KLLN: variants seen among roughly 807,000 people sequenced by gnomAD.
KLLN encodes the protein killin.
For missense variants in KLLN, 340 were observed against 241.3 expected, an observed-to-expected ratio of 1.41 and a Z score of -2.71; for synonymous variants, 142 against 102.2, an observed-to-expected ratio of 1.39 and a Z score of -2.35.
Position 87,863,447 on chromosome 10 carries a change from G to A in KLLN, c.-960C>T. On this transcript the variant is annotated 5_prime_UTR_variant, in exon 1 of 1. Coordinates refer to ENST00000445946, the MANE Select transcript of KLLN (RefSeq NM_001126049.2). ...CCCTGCCCTGCCCTGCCCTCCCCTC[G>A]CCCGGCGCGGTCCCGTCCGCCTCTC... is the stretch of plus-strand genomic sequence containing the variant. The A allele has an allele frequency of 2.7e-6, 1 of 375,534 alleles. No homozygotes were observed. The highest frequency in any genetic ancestry group is 4.8e-6 in the Non-Finnish European group (1 of 210,210). 23.3% of individuals were successfully genotyped at this position (375,534 alleles called of 1,614,324 possible). A position where few individuals can be genotyped will look rare whatever the true frequency, so the allele number is the denominator to read the frequency against.
Position 87,863,491 on chromosome 10 carries a change from C to A in KLLN, c.-1004G>T, listed in dbSNP as rs991045713. The A allele has an allele frequency of 2.6e-6, 1 of 383,752 alleles. No individual in the cohort carries two copies. Among genetic ancestry groups the A allele is most frequent in the Non-Finnish European group, 4.6e-6 (1 of 216,166 alleles). 23.8% of individuals were successfully genotyped at this position (383,752 alleles called of 1,614,324 possible). ...GCCTCTCGCTCGCCTCCCGCCTCCC[C>A]TCGGTCTTCCGAGGCGCCCGGGCTC... On this transcript the variant is annotated 5_prime_UTR_variant, in exon 1 of 1. It adds an upstream start codon to the 5' untranslated region. Coordinates refer to ENST00000445946, the MANE Select transcript of KLLN (RefSeq NM_001126049.2).
At position 87,862,150 on chromosome 10, in the gene KLLN, G is replaced by T. The variant is rs1472269501; in HGVS notation, c.338C>A (p.Thr113Lys). ...CTTCGGGAGGCTGGTCCGAGCCCCT[G>T]TTTCCGCCGCGGCGCAGGAAGGGTT... ...NPNPSCAAAE[T>K]GARTSLPKER... Residue 113 changes from threonine (T) to lysine (K), a missense_variant, in exon 1 of 1, where the codon ACA becomes AAA. By Grantham distance (78) the Thr-to-Lys change is moderately conservative. Coordinates refer to ENST00000445946, the MANE Select transcript of KLLN (RefSeq NM_001126049.2). 1 of 1,550,286 alleles carries T rather than the reference G, an allele frequency of 6.5e-7. No individual in the cohort carries two copies. Among genetic ancestry groups the T allele is most frequent in the African/African-American group, 1.4e-5 (1 of 73,004 alleles).
rs587779981 is a variant in KLLN at position 87,863,299 on chromosome 10, C to A, written c.-812G>T. On this transcript the variant is annotated 5_prime_UTR_variant, in exon 1 of 1. Coordinates refer to ENST00000445946, the MANE Select transcript of KLLN (RefSeq NM_001126049.2). ...AAGCCGCAGCAAGTGCAGCTGCAGG[C>A]TGGCGGCTGGGAACCGGCCCGAGCA... is the stretch of plus-strand genomic sequence containing the variant. 4 of 263,548 alleles carry A rather than the reference C, an allele frequency of 1.5e-5. No homozygotes were observed. Among genetic ancestry groups the A allele is most frequent in the Non-Finnish European group, 3.1e-5 (4 of 129,762 alleles). The allele number at this position is 263,548 out of a possible 1,614,324, so 16.3% of individuals were successfully genotyped here.
the KLLN span, chr10:87,862,194 C>T: frequency 6.4e-7 from 1 of 1,551,600 alleles, no homozygotes; most frequent in Non-Finnish European, 8.7e-7. Flanking sequence ...GCTGCCTGCA[C>T]CAGGCAAGAG....
rs917426656 is a variant in KLLN at position 87,860,598 on chromosome 10, T to G, written c.*1353A>C. ...AAAGCAGATTTCAGAGATTCTCAGA[T>G]GCTATGAGACTAATTGTCACTTAGG... On this transcript the variant is annotated 3_prime_UTR_variant, in exon 1 of 1. Coordinates refer to ENST00000445946, the MANE Select transcript of KLLN (RefSeq NM_001126049.2). 1.3e-5 allele frequency: 2 copies of G among 152,232 alleles called. No homozygotes were observed. Among genetic ancestry groups the G allele is most frequent in the African/African-American group, 4.8e-5 (2 of 41,438 alleles). 9.4% of individuals were successfully genotyped at this position (152,232 alleles called of 1,614,324 possible). A position where few individuals can be genotyped will look rare whatever the true frequency, so the allele number is the denominator to read the frequency against.
Position 87,861,170 on chromosome 10 carries a change from T to C in KLLN, c.*781A>G, listed in dbSNP as rs1858249339. ...AACACTGTAAATATCCCAGGTTTAATTAGTAGTCCCGGAGTTAGGTAATGG... is the reference window on the plus strand; with the variant it reads ...AACACTGTAAATATCCCAGGTTTAACTAGTAGTCCCGGAGTTAGGTAATGG... On this transcript the variant is annotated 3_prime_UTR_variant, in exon 1 of 1. Coordinates refer to ENST00000445946, the MANE Select transcript of KLLN (RefSeq NM_001126049.2). 1 of 152,248 alleles carries C rather than the reference T, an allele frequency of 6.6e-6. No homozygotes were observed. Among genetic ancestry groups the C allele is most frequent in the East Asian group, 1.9e-4 (1 of 5,206 alleles). The allele number at this position is 152,248 out of a possible 1,614,324, so 9.4% of individuals were successfully genotyped here. A position where few individuals can be genotyped will look rare whatever the true frequency, so the allele number is the denominator to read the frequency against.
At position 87,859,533 on chromosome 10, in the gene KLLN, A is replaced by G. The variant is rs75742574; in HGVS notation, c.*2418T>C. 6.6e-6 allele frequency: 1 copy of G among 152,194 alleles called. No homozygotes were observed. The highest frequency in any genetic ancestry group is 1.5e-5 in the Non-Finnish European group (1 of 68,046). 9.4% of individuals were successfully genotyped at this position (152,194 alleles called of 1,614,324 possible). ...GTCATTTCGCTTATCAAAGAAAATA[A>G]GAAAGAAATTTTCTTTCGACATTAT... On this transcript the variant is annotated 3_prime_UTR_variant, in exon 1 of 1. Coordinates refer to ENST00000445946, the MANE Select transcript of KLLN (RefSeq NM_001126049.2).
rs1441633689 is a variant in KLLN, at chr10:87,862,461, C to T, written c.27G>A (p.Ala9=). MDRPGPGS[A]RPGRTVHVWG... ...AAACGTGCACGGTCCGGCCGGGGCG[C>T]GCGGAGCCTGGCCCCGGGCGATCCA... The change falls in exon 1 of 1, where the codon GCG becomes GCA. Residue 9 remains alanine (A), a synonymous_variant. Transcript: ENST00000445946. 1.3e-6 allele frequency: 2 copies of T among 1,549,852 alleles called. No homozygotes were observed. Among genetic ancestry groups the T allele is most frequent in the Non-Finnish European group, 1.7e-6 (2 of 1,145,678 alleles).
At position 87,862,110 on chromosome 10, in the gene KLLN, G is replaced by A; in HGVS notation, c.378C>T (p.Gly126=). 6.5e-7 allele frequency: 1 copy of A among 1,543,448 alleles called. No individual in the cohort carries two copies. Among genetic ancestry groups the A allele is most frequent in the Non-Finnish European group, 8.8e-7 (1 of 1,142,330 alleles). The change falls in exon 1 of 1, where the codon GGC becomes GGT. Residue 126 remains glycine, a synonymous_variant. Coordinates refer to ENST00000445946, the MANE Select transcript of KLLN (RefSeq NM_001126049.2). ...TGTGTAACCAGTTCCCCAAGCGCCAGCCCCGACAGCGCTCCTTCGGGAGGC... is the reference window on the plus strand; with the variant it reads ...TGTGTAACCAGTTCCCCAAGCGCCAACCCCGACAGCGCTCCTTCGGGAGGC... ...RTSLPKERCR[G]WRLGNWLHKH...
the KLLN span, chr10:87,862,435 C>T: frequency 6.4e-7 from 1 of 1,551,586 alleles, no homozygotes; most frequent in Non-Finnish European, 8.7e-7. Flanking sequence ...CCGGTAACCC[C>T]AAACGTGCAC....
chr10:87,863,463 T>C lies in KLLN; in HGVS notation c.-976A>G. 2.6e-6 allele frequency: 1 copy of C among 379,284 alleles called. No individual in the cohort carries two copies. The highest frequency in any genetic ancestry group is 4.7e-6 in the Non-Finnish European group (1 of 212,936). The allele number at this position is 379,284 out of a possible 1,614,324, so 23.5% of individuals were successfully genotyped here. ...CCTCCCCTCGCCCGGCGCGGTCCCG[T>C]CCGCCTCTCGCTCGCCTCCCGCCTC... On this transcript the variant is annotated 5_prime_UTR_variant, in exon 1 of 1. Coordinates refer to ENST00000445946, the MANE Select transcript of KLLN (RefSeq NM_001126049.2).
rs921266823 is a variant in KLLN, at chr10:87,862,575, G to A, written c.-88C>T. ...TGACTCCGACGCCGCGAACCGACCT[G>A]GAGCCCGAGGGGAAAGATGCTCGAC... is the stretch of plus-strand genomic sequence containing the variant. On this transcript the variant is annotated 5_prime_UTR_variant, in exon 1 of 1. Transcript: ENST00000445946. 4 of 1,223,438 alleles carry A rather than the reference G, an allele frequency of 3.3e-6. No individual in the cohort carries two copies. In the East Asian group the frequency reaches 7.7e-5, roughly 23 times the overall value. 75.8% of individuals were successfully genotyped at this position (1,223,438 alleles called of 1,614,324 possible). A position where few individuals can be genotyped will look rare whatever the true frequency, so the allele number is the denominator to read the frequency against.
Position 87,862,484 on chromosome 10 carries a change from C to G in KLLN, c.4G>C (p.Asp2His). 6.5e-7 allele frequency: 1 copy of G among 1,547,326 alleles called. No individual in the cohort carries two copies. The highest frequency in any genetic ancestry group is 8.7e-7 in the Non-Finnish European group (1 of 1,144,128). Residue 2 changes from aspartate to histidine, a missense_variant, in exon 1 of 1, where the codon GAT becomes CAT. Asp to His is a moderately conservative substitution (Grantham distance 81, BLOSUM62 -1). Transcript: ENST00000445946. ...CGCGCGGAGCCTGGCCCCGGGCGAT[C>G]CATCCTGCCGGGTTTTCACGGCGGC... M[D>H]RPGPGSARPG...
chr10:87,861,795 C>G lies in KLLN; in HGVS notation c.*156G>C. ...GGAGAATGCACGCTCTGGGCTGCAGCAGGAGATACCCTCAAGCACAGAACC... is the reference window on the plus strand; with the variant it reads ...GGAGAATGCACGCTCTGGGCTGCAGGAGGAGATACCCTCAAGCACAGAACC... On this transcript the variant is annotated 3_prime_UTR_variant, in exon 1 of 1. Transcript: ENST00000445946. The G allele has an allele frequency of 1.6e-6, 1 of 616,410 alleles. No homozygotes were observed. The highest frequency in any genetic ancestry group is 2.7e-6 in the Non-Finnish European group (1 of 374,486). 38.2% of individuals were successfully genotyped at this position (616,410 alleles called of 1,614,324 possible). A position where few individuals can be genotyped will look rare whatever the true frequency, so the allele number is the denominator to read the frequency against.
chr10:87,861,662 C>T lies in KLLN; in HGVS notation c.*289G>A. Reference sequence around the variant, plus strand: ...ACTTGACAGGTTTGTTCTGGGCTGACGGCCATTGACTAGGTTCTCAGACCA... The same window carrying T: ...ACTTGACAGGTTTGTTCTGGGCTGATGGCCATTGACTAGGTTCTCAGACCA... On this transcript the variant is annotated 3_prime_UTR_variant, in exon 1 of 1. Transcript: ENST00000445946. The T allele has an allele frequency of 2.9e-6, 1 of 350,300 alleles. No homozygotes were observed. The highest frequency in any genetic ancestry group is 5.2e-6 in the Non-Finnish European group (1 of 192,964). The allele number at this position is 350,300 out of a possible 1,614,324, so 21.7% of individuals were successfully genotyped here.
In KLLN at chr10:87,862,454, C is replaced by A. The variant is rs1267425695; in HGVS notation, c.34G>T (p.Gly12Cys). Residue 12 changes from glycine (G) to cysteine (C), a missense_variant, in exon 1 of 1, where the codon GGC (glycine) becomes TGC (cysteine). Physicochemically the swap from Gly to Cys is radical, Grantham distance 159. Transcript: ENST00000445946. ...TAACCCCAAACGTGCACGGTCCGGC[C>A]GGGGCGCGCGGAGCCTGGCCCCGGG... ...DRPGPGSARP[G>C]RTVHVWGYRV... The A allele has an allele frequency of 1.3e-6, 2 of 1,550,068 alleles. No homozygotes were observed. The highest frequency in any genetic ancestry group is 2.7e-5 in the African/African-American group (2 of 72,982).
Position 87,863,056 on chromosome 10 carries a change from C to G in KLLN, c.-569G>C, listed in dbSNP as rs541399654. Reference sequence around the variant, plus strand: ...GGTATTCCCCTTGCAGGGACCGTCCCTGCATTTCCCTCTACACTGAGCAGC... The same window carrying G: ...GGTATTCCCCTTGCAGGGACCGTCCGTGCATTTCCCTCTACACTGAGCAGC... On this transcript the variant is annotated 5_prime_UTR_variant, in exon 1 of 1. Transcript: ENST00000445946. The G allele has an allele frequency of 5.7e-6, 1 of 175,536 alleles. No individual in the cohort carries two copies. Among genetic ancestry groups the G allele is most frequent in the East Asian group, 1.7e-4 (1 of 5,834 alleles). 10.9% of individuals were successfully genotyped at this position (175,536 alleles called of 1,614,324 possible).
chr10:87,863,298 G>C lies in KLLN; in HGVS notation c.-811C>G. Reference sequence around the variant, plus strand: ...AAAGCCGCAGCAAGTGCAGCTGCAGGCTGGCGGCTGGGAACCGGCCCGAGC... The same window carrying C: ...AAAGCCGCAGCAAGTGCAGCTGCAGCCTGGCGGCTGGGAACCGGCCCGAGC... On this transcript the variant is annotated 5_prime_UTR_variant, in exon 1 of 1. Coordinates refer to ENST00000445946, the MANE Select transcript of KLLN (RefSeq NM_001126049.2). 1 of 262,572 alleles carries C rather than the reference G, an allele frequency of 3.8e-6. No homozygotes were observed. Among genetic ancestry groups the C allele is most frequent in the Non-Finnish European group, 7.7e-6 (1 of 129,112 alleles). The allele number at this position is 262,572 out of a possible 1,614,324, so 16.3% of individuals were successfully genotyped here.
In KLLN at chr10:87,862,697, G is replaced by A; in HGVS notation, c.-210C>T. ...AGTTCATTTAGATAGGTGCCCTTTG[G>A]GCCCTTGAAATTCAACGGCTATGTG... On this transcript the variant is annotated 5_prime_UTR_variant, in exon 1 of 1. Coordinates refer to ENST00000445946, the MANE Select transcript of KLLN (RefSeq NM_001126049.2). 1 of 590,768 alleles carries A rather than the reference G, an allele frequency of 1.7e-6. No homozygotes were observed. The highest frequency in any genetic ancestry group is 3.1e-6 in the Non-Finnish European group (1 of 323,530). The allele number at this position is 590,768 out of a possible 1,614,324, so 36.6% of individuals were successfully genotyped here.
Sources: allele counts gnomAD v4.1 joint callset, GRCh38; gene constraint gnomAD v4.1.1; transcripts MANE v1.5; gene names NCBI Gene and HGNC (gene_info 2026-07-23, HGNC 2026-07-21).